TASOR2: variants seen among roughly 807,000 people sequenced by gnomAD.
TASOR2 encodes the protein transcription activation suppressor family member 2, also known as protein TASOR 2.
In TASOR2, 84 loss-of-function variants were observed where a neutral mutation model predicts 199.5. The observed-to-expected ratio is 0.42, with a 90% CI of 0.35 to 0.50. The LOEUF (loss-of-function observed/expected upper bound fraction) is 0.50. TASOR2 is among the 20% of genes least tolerant of loss of function. TASOR2 has a pLI of 0.02. For missense variants in TASOR2, 2,796 were observed against 2,835.9 expected (o/e 0.99, Z 0.32); for synonymous variants, 1,103 against 1,046.6 (o/e 1.05, Z -1.04).
intron 1 of TASOR2, among the ~76,000 whole-genome samples, chr10:5,692,580 G>A (rs978291108): frequency 2.0e-5 from 3 of 152,122 alleles, no homozygotes; most frequent in Non-Finnish European, 4.4e-5. Flanking sequence ...GTTCCCTGGT[G>A]TGTGGAGTCC....
At position 5,738,583 on chromosome 10, in the gene TASOR2, C is replaced by T. The variant is rs1346379335; in HGVS notation, c.1448-1035C>T. Among the ~76,000 whole-genome samples, 1 of 152,164 alleles carries T rather than the reference C, an allele frequency of 6.6e-6. No individual in the cohort carries two copies. Among genetic ancestry groups the T allele is most frequent in the Non-Finnish European group, 1.5e-5 (1 of 68,032 alleles). On this transcript the variant is annotated intron_variant, in intron 12 of 20. Transcript: ENST00000328090. This position sits in a 1 kb window ranked among gnomAD's most constrained non-coding sequence, Gnocchi z 4.7. ...AGTCGTTGATCAGTTTAACCCTTTC[C>T]CCATGTATGTGCATGCCCTTGTCGT...
At chr10:5,700,971 C>CT (rs71388465) in intron 1 of TASOR2, among the ~76,000 whole-genome samples, 120,456 of 149,418 alleles carry the variant, frequency 0.81, 50,492 homozygotes, top group Non-Finnish European at 0.94. Flanking sequence ...TGTGCAGAAG[C>CT]TTTTTTTTTA....
In TASOR2 at chr10:5,742,316, A is replaced by G. The variant is rs1836549725; in HGVS notation, c.2547A>G (p.Ala849=). The change falls in exon 14 of 21, where the codon GCA becomes GCG. Residue 849 remains alanine, a synonymous_variant. Coordinates refer to ENST00000328090, the Ensembl canonical transcript of TASOR2. This position sits in a 1 kb window ranked among gnomAD's most constrained non-coding sequence, Gnocchi z 4.2. Reference sequence around the variant, plus strand: ...CCCTTGGTTTGGAAAAATGTTCTGCAGACTCTCTGTTGGAGACTAACGAAA... The same window carrying G: ...CCCTTGGTTTGGAAAAATGTTCTGCGGACTCTCTGTTGGAGACTAACGAAA... 1.9e-6 allele frequency: 3 copies of G among 1,614,214 alleles called. No individual in the cohort carries two copies. Among genetic ancestry groups the G allele is most frequent in the East Asian group, 2.2e-5 (1 of 44,876 alleles).
In TASOR2 at chr10:5,705,938, A is replaced by C. The variant is rs1287608913; in HGVS notation, c.-287-6885A>C. On this transcript the variant is annotated intron_variant, in intron 1 of 20. Transcript: ENST00000328090. ...TTTGTGCCCTATGAAAACTTTATGT[A>C]CCCCATAGTCAAGTACATTTTTTCC... Among the ~76,000 whole-genome samples, 3 of 152,156 alleles carry C rather than the reference A, an allele frequency of 2.0e-5. No homozygotes were observed. The East Asian group carries it at 5.8e-4, about 29-fold the overall frequency.
intron 11 of TASOR2, among the ~76,000 whole-genome samples, chr10:5,732,750 A>G (rs887175670): frequency 4.6e-5 from 7 of 152,106 alleles, no homozygotes; most frequent in African/African-American, 7.2e-5. Flanking sequence ...ACGTCTTGCT[A>G]TGTTTCCCAA....
At chr10:5,726,854 C>G (rs373807177) in intron 8 of TASOR2, 31 bp from the exon 10 acceptor site, 4 of 1,578,738 alleles carry the variant, frequency 2.5e-6, no homozygotes, top group Admixed American at 1.7e-5. Flanking sequence ...GCAGAATATT[C>G]CTTCAGTTGA....
chr10:5,725,295 G>A (rs1368568106), intron 8 of TASOR2, among the ~76,000 whole-genome samples: 1 of 151,102 alleles, frequency 6.6e-6, no homozygotes, highest in Non-Finnish European at 1.5e-5. Flanking sequence ...GGAGGCTGAG[G>A]CAGGAGAATG....
At chr10:5,763,060 T>G in exon 21 of TASOR2, 1 of 1,608,618 alleles carries the variant, frequency 6.2e-7, no homozygotes. Context: ...TGGATATGGA[T>G]GATGCCAATA....
chr10:5,703,381 A>G (rs1255263584), intron 1 of TASOR2, among the ~76,000 whole-genome samples: 1 of 151,914 alleles, frequency 6.6e-6, no homozygotes, highest in Non-Finnish European at 1.5e-5. Context: ...ATCTCTCAGT[A>G]TGATTAATTT....
chr10:5,732,138 C>T (rs1237926037), intron 11 of TASOR2, among the ~76,000 whole-genome samples: 1 of 152,220 alleles, frequency 6.6e-6, no homozygotes, highest in African/African-American at 2.4e-5. Context: ...TTGGCCTAGC[C>T]ACTTAATGTA....
intron 17 of TASOR2, among the ~76,000 whole-genome samples, chr10:5,758,506 C>G (rs1235990292): frequency 6.6e-6 from 1 of 152,138 alleles, no homozygotes; most frequent in African/African-American, 2.4e-5. Context: ...CCACCACACT[C>G]CAGCCTGGGT....
chr10:5,744,788 C>CAGGAG, intron 14 of TASOR2, among the ~76,000 whole-genome samples: 1 of 152,230 alleles, frequency 6.6e-6, no homozygotes, highest in African/African-American at 2.4e-5. Context: ...GCCACCACTC[C>CAGGAG]TGGGTAATTT....
intron 1 of TASOR2, among the ~76,000 whole-genome samples, chr10:5,709,360 T>C (rs558002875): frequency 1.3e-5 from 2 of 152,212 alleles, no homozygotes; most frequent in Non-Finnish European, 2.9e-5. Flanking sequence ...TTATGTGTTA[T>C]AGCTTATAGA....
intron 6 of TASOR2, 64 bp downstream of exon 7, chr10:5,721,034 T>G: frequency 7.8e-7 from 1 of 1,276,042 alleles, no homozygotes; most frequent in Non-Finnish European, 1.1e-6. Flanking sequence ...TTTTTTTTCC[T>G]CACCTCATTT....
Position 5,746,517 on chromosome 10 carries a change from CCCTT to C in TASOR2, c.3101_3104del (p.Ser1034TrpfsTer12). On this transcript the variant is annotated frameshift_variant, in exon 15 of 21. Coordinates refer to ENST00000328090, the Ensembl canonical transcript of TASOR2. LOFTEE classifies it high-confidence loss of function. ...GCAGCCCCATAAACAATGAATGTCACCCTTCCTTGGAAAGAAAGGATGATAATAT... is the reference window on the plus strand; with the variant it reads ...GCAGCCCCATAAACAATGAATGTCACCCTTGGAAAGAAAGGATGATAATAT... The C allele has an allele frequency of 3.7e-6, 6 of 1,614,102 alleles. No individual in the cohort carries two copies. The highest frequency in any genetic ancestry group is 5.1e-6 in the Non-Finnish European group (6 of 1,180,028).
intron 19 of TASOR2, 111 bp from the exon 21 acceptor site, chr10:5,762,421 C>T (rs540321719): frequency 2.4e-6 from 1 of 424,874 alleles, no homozygotes; most frequent in Non-Finnish European, 4.2e-6. Context: ...TCTCCCCCTA[C>T]CCCTCACACG....
At chr10:5,739,123 C>T (rs934034708) in intron 12 of TASOR2, among the ~76,000 whole-genome samples, 4 of 152,174 alleles carry the variant, frequency 2.6e-5, no homozygotes, top group Admixed American at 2.0e-4. Context: ...TCTAATAAAT[C>T]GCTTGTTCAG....
chr10:5,717,027 CA>C (rs71388471), intron 2 of TASOR2, among the ~76,000 whole-genome samples: 4,427 of 124,494 alleles, frequency 0.036, 89 homozygotes, highest in South Asian at 0.081. Flanking sequence ...GCTTACATCT[CA>C]AAAAAAAAAA....
chr10:5,746,327 G>C (rs763414475), exon 15 of TASOR2: 2 of 1,614,034 alleles, frequency 1.2e-6, no homozygotes, highest in African/African-American at 2.7e-5. Context: ...GCTTCTTACA[G>C]TGGCACTGTT....
Sources: gnomAD v4.1 joint callset for allele counts (sites outside exome capture counted in the v4.1 genomes callset) on GRCh38, gnomAD v4.1.1 for gene constraint, Gnocchi (gnomAD v3.1) non-coding constraint, MANE v1.5 for transcripts, NCBI Gene and HGNC (gene_info 2026-07-23, HGNC 2026-07-21) for gene names.